Variants in DNAH7 observed in about 807,000 individuals in gnomAD.
The protein encoded by DNAH7 is dynein axonemal heavy chain 7.
DNAH7 carries 397 observed loss-of-function variants against 444.6 expected under a neutral mutation model. That is an observed-to-expected ratio of 0.89 (90% CI 0.82 to 0.97). The LOEUF is 0.97. Ranked by LOEUF, DNAH7 falls within the 50% of genes least tolerant of loss-of-function variation. The pLI is 0.00. For missense variants in DNAH7, 4,902 were observed against 4,800.8 expected (o/e 1.02, Z -0.62); for synonymous variants, 1,636 against 1,624.4 (o/e 1.01, Z -0.17).
chr2:195,894,313 A>T (rs1248539188), intron 30 of DNAH7: 1 of 152,198 alleles, frequency 6.6e-6, no homozygotes, highest in Non-Finnish European at 1.5e-5. Context: ...AGTAGATCAC[A>T]ACAAATAACA....
At chr2:195,977,588 T>C (rs1692292332) in intron 15 of DNAH7, among the ~76,000 whole-genome samples, 1 of 151,750 alleles carries the variant, frequency 6.6e-6, no homozygotes, top group African/African-American at 2.4e-5. Context: ...TTCAAAAGGA[T>C]AATAACAGAA....
intron 1 of DNAH7, among the ~76,000 whole-genome samples, chr2:196,059,011 GA>G (rs138159620): frequency 0.027 from 4,060 of 152,282 alleles, 151 homozygotes; most frequent in African/African-American, 0.093. Context: ...TAGGAGTTCA[GA>G]AATAAACCCA....
At chr2:195,972,204 T>C in intron 16 of DNAH7, 38 bp downstream of exon 16, 1 of 1,547,984 alleles carries the variant, frequency 6.5e-7, no homozygotes, top group Non-Finnish European at 8.8e-7. Context: ...AAACAAAACA[T>C]TTCCAGAAAA....
At position 195,845,041 on chromosome 2, in the gene DNAH7, G is replaced by C. The variant is rs757064427; in HGVS notation, c.8906C>G (p.Pro2969Arg). 1.9e-6 allele frequency: 3 copies of C among 1,613,768 alleles called. No homozygotes were observed. Among genetic ancestry groups the C allele is most frequent in the Non-Finnish European group, 2.5e-6 (3 of 1,179,860 alleles). The change falls in exon 47 of 65, where the codon CCT (proline) becomes CGT (arginine). Residue 2969 changes from proline to arginine, a missense_variant. By Grantham distance (103) the Pro-to-Arg change is moderately radical. Coordinates refer to ENST00000312428, the MANE Select transcript of DNAH7 (RefSeq NM_018897.3). ...ATTATCAATGGAAAATGAGTCAGAA[G>C]GTAATCCAGCAATATTCCAAGTTCG... ...TIRTWNIAGLPSDSFSIDNGI... is the reference protein window; with the variant it reads ...TIRTWNIAGLRSDSFSIDNGI...
At chr2:195,914,399 T>A (rs767278984) in intron 24 of DNAH7, among the ~76,000 whole-genome samples, 2 of 152,244 alleles carry the variant, frequency 1.3e-5, no homozygotes, top group Non-Finnish European at 2.9e-5. Context: ...AGACTTCCAC[T>A]GGGTACAAGG....
At chr2:195,931,721 T>C (rs1688708499) in intron 21 of DNAH7, among the ~76,000 whole-genome samples, 1 of 152,206 alleles carries the variant, frequency 6.6e-6, no homozygotes, top group South Asian at 2.1e-4. Context: ...TTGTCAAAGA[T>C]CAGATAGTTG....
intron 47 of DNAH7, 69 bp downstream of exon 47, chr2:195,844,933 G>T: frequency 7.0e-7 from 1 of 1,424,742 alleles, no homozygotes; most frequent in Non-Finnish European, 9.5e-7. Context: ...ACCTAAAATT[G>T]TTAAAGGAAC....
chr2:196,002,956 C>T (rs117549753), intron 10 of DNAH7, among the ~76,000 whole-genome samples: 25 of 150,548 alleles, frequency 1.7e-4, no homozygotes, highest in African/African-American at 5.4e-4. Flanking sequence ...TGCAGTGAGC[C>T]GAGATGGTTC....
In DNAH7 at chr2:196,000,959, T is replaced by C. The variant is rs183925130; in HGVS notation, c.1174-76A>G. On this transcript the variant is annotated intron_variant, in intron 11 of 64. Transcript: ENST00000312428. ...GACTAAGTAGTACACCAGTCCCAAT[T>C]AGAATACATGGGAACCCACACTTTC... The C allele has an allele frequency of 7.4e-4, 889 of 1,200,538 alleles. 1 individual carries two copies. In the Middle Eastern group the frequency reaches 7.9e-3, roughly 11 times the overall value. The allele number at this position is 1,200,538 out of a possible 1,614,324, so 74.4% of individuals were successfully genotyped here.
At chr2:195,830,167 T>C (rs1697992087) in intron 48 of DNAH7, among the ~76,000 whole-genome samples, 1 of 152,146 alleles carries the variant, frequency 6.6e-6, no homozygotes, top group South Asian at 2.1e-4. Context: ...TGCTGGTTTA[T>C]GTTAAAACCT....
At chr2:195,868,053 C>T (rs765113260) in intron 40 of DNAH7, among the ~76,000 whole-genome samples, 4 of 147,692 alleles carry the variant, frequency 2.7e-5, no homozygotes, top group Non-Finnish European at 3.0e-5. Context: ...GGTTCCAATT[C>T]TTCCACATGC....
At chr2:195,951,605 T>C (rs1690262955) in intron 19 of DNAH7, among the ~76,000 whole-genome samples, 1 of 152,314 alleles carries the variant, frequency 6.6e-6, no homozygotes, top group East Asian at 1.9e-4. Context: ...ACTTGCTTTA[T>C]GAATCTGGGT....
At chr2:195,919,726 C>T (rs778818969) in intron 24 of DNAH7, among the ~76,000 whole-genome samples, 99 of 152,090 alleles carry the variant, frequency 6.5e-4, no homozygotes, top group Admixed American at 1.3e-3. Flanking sequence ...TGTGTGCCTA[C>T]ATGTGAAGAA....
At chr2:195,777,757 TTCA>T (rs1695128064) in intron 59 of DNAH7, 40 bp downstream of exon 59, 1 of 1,550,370 alleles carries the variant, frequency 6.5e-7, no homozygotes, top group African/African-American at 1.4e-5. Flanking sequence ...CCAAAATAAT[TTCA>T]TGTCTTACTG....
chr2:196,012,444 A>G (rs1694778724), intron 10 of DNAH7, among the ~76,000 whole-genome samples: 1 of 152,138 alleles, frequency 6.6e-6, no homozygotes, highest in Non-Finnish European at 1.5e-5. Context: ...AGGGAGGTAC[A>G]GAGCCTAGCA....
At chr2:195,961,807 G>T (rs1691129002) in intron 17 of DNAH7, among the ~76,000 whole-genome samples, 1 of 151,752 alleles carries the variant, frequency 6.6e-6, no homozygotes, top group Non-Finnish European at 1.5e-5. Flanking sequence ...GTGGAAAATA[G>T]AAAAAAAGTA....
chr2:196,067,063 CACA>C (rs574978042), intron 1 of DNAH7, among the ~76,000 whole-genome samples: 2 of 152,316 alleles, frequency 1.3e-5, no homozygotes, highest in South Asian at 4.1e-4. Flanking sequence ...TTCAATAAAT[CACA>C]ACCTTTCTGG....
chr2:195,987,543 T>C (rs1027558223), intron 13 of DNAH7, among the ~76,000 whole-genome samples: 3 of 151,982 alleles, frequency 2.0e-5, no homozygotes, highest in African/African-American at 7.2e-5. Context: ...TGGTAGAAAA[T>C]TTAGAAAATG....
chr2:195,778,661 T>TATACACACACACAC (rs1559089792), intron 58 of DNAH7, among the ~76,000 whole-genome samples: 1 of 97,812 alleles, frequency 1.0e-5, no homozygotes. Flanking sequence ...TATATATATA[T>TATACACACACACAC]ATATATATAC....
Sources: allele counts gnomAD v4.1 joint callset (sites outside exome capture counted in the v4.1 genomes callset), GRCh38; gene constraint gnomAD v4.1.1; transcripts MANE v1.5; gene names NCBI Gene and HGNC (gene_info 2026-07-23, HGNC 2026-07-21).